The following CCDC27 variants were observed in gnomAD, a reference collection of about 807,000 sequenced individuals.
CCDC27 encodes coiled-coil domain-containing protein 27.
A neutral mutation model predicts 80.3 loss-of-function variants in CCDC27; 80 were observed. That is an observed-to-expected ratio of 1.00 (90% CI 0.83 to 1.20). CCDC27 has a LOEUF of 1.20. Among genes scored for constraint, CCDC27 ranks in the 50% most tolerant of loss-of-function variants. CCDC27 has a pLI of 0.00. For missense variants in CCDC27, 815 were observed against 809.4 expected (o/e 1.01, Z -0.08); for synonymous variants, 342 against 334.3 (o/e 1.02, Z -0.25).
chr1:3,754,657 G>C (rs756699035), intron 2 of CCDC27, among the ~76,000 whole-genome samples: 1 of 152,176 alleles, frequency 6.6e-6, no homozygotes, highest in Non-Finnish European at 1.5e-5. Context: ...TCACTGCTCT[G>C]ATGAGAACAG....
At chr1:3,765,388 GT>G (rs1206711626) in intron 8 of CCDC27, among the ~76,000 whole-genome samples, 3 of 152,160 alleles carry the variant, frequency 2.0e-5, no homozygotes, top group African/African-American at 4.8e-5. Flanking sequence ...ATGTCCTTTA[GT>G]TCTGGAATTT....
chr1:3,763,801 G>A lies in CCDC27; in HGVS notation c.1417G>A (p.Glu473Lys), dbSNP rs1643156651. 1 of 1,614,028 alleles carries A rather than the reference G, an allele frequency of 6.2e-7. No homozygotes were observed. Among genetic ancestry groups the A allele is most frequent in the African/African-American group, 1.3e-5 (1 of 75,054 alleles). ...ENETLQKELR[E>K]RRQQLQAMTD... ...TGAGACGCTGCAGAAGGAGCTCCGA[G>A]AGCGGAGGCAGCAGCTACAAGCCAT... is the stretch of plus-strand genomic sequence containing the variant. The change falls in exon 8 of 12, where the codon GAG becomes AAG. Residue 473 changes from glutamate to lysine, a missense_variant. Glu to Lys is a moderately conservative substitution (Grantham distance 56). Transcript: ENST00000294600. This position sits in a 1 kb window ranked among gnomAD's most constrained non-coding sequence, Gnocchi z 7.5.
At chr1:3,752,876 C>A in intron 1 of CCDC27, 77 bp downstream of exon 1, 1 of 1,461,122 alleles carries the variant, frequency 6.8e-7, no homozygotes, top group Non-Finnish European at 9.3e-7. Context: ...GCCCATAGAG[C>A]TGTCAGCCCA....
chr1:3,767,160 A>T, intron 9 of CCDC27, 73 bp from the exon 10 acceptor site: 2 of 1,420,936 alleles, frequency 1.4e-6, no homozygotes, highest in Non-Finnish European at 2.0e-6. Flanking sequence ...TTTAGGAAAA[A>T]GTGGATGGGT....
At chr1:3,762,745 G>C (rs1643118471) in intron 6 of CCDC27, 33 bp downstream of exon 6, 1 of 1,533,898 alleles carries the variant, frequency 6.5e-7, no homozygotes, top group Non-Finnish European at 8.8e-7. Context: ...GCACGCAGTG[G>C]GGGACCCGGG....
In CCDC27 at chr1:3,763,701, C is replaced by CT; in HGVS notation, c.1322-5_1322-4insT. On this transcript the variant is annotated splice_region_variant and splice_polypyrimidine_tract_variant and intron_variant, in intron 7 of 11. Transcript: ENST00000294600. This position sits in a 1 kb window ranked among gnomAD's most constrained non-coding sequence, Gnocchi z 7.5. ...CCTGCTCACCGCCTCTGCCTCTGTG[C>CT]CCAGGAGTGATTGCGTCTTTACAAC... 1 of 1,614,064 alleles carries CT rather than the reference C, an allele frequency of 6.2e-7. No homozygotes were observed. Among genetic ancestry groups the CT allele is most frequent in the Non-Finnish European group, 8.5e-7 (1 of 1,179,962 alleles).
At chr1:3,759,068 AT>A (rs1246790821) in intron 4 of CCDC27, among the ~76,000 whole-genome samples, 1 of 149,148 alleles carries the variant, frequency 6.7e-6, no homozygotes, top group East Asian at 1.9e-4. Flanking sequence ...AAAAAAAAAA[AT>A]AGCTGGACGT....
intron 8 of CCDC27, among the ~76,000 whole-genome samples, chr1:3,764,691 G>T (rs1427209743): frequency 1.3e-5 from 2 of 152,080 alleles, no homozygotes; most frequent in African/African-American, 4.8e-5. Context: ...TTGCTTTCTT[G>T]CCCTCTTCAC....
At chr1:3,755,761 A>G in intron 3 of CCDC27, 194 bp downstream of exon 3, 1 of 591,650 alleles carries the variant, frequency 1.7e-6, no homozygotes. Flanking sequence ...CATAGGCTGC[A>G]GTCCCCCCAG....
chr1:3,769,758 G>T lies in CCDC27; in HGVS notation c.1744-25G>T. ...GGTGCCTTCTTGGGTAAAGGCGAAT[G>T]ATAGTGTTGTCCCTTTGCTCACAGC... On this transcript the variant is annotated intron_variant, in intron 10 of 11. Transcript: ENST00000294600. The surrounding 1 kb of genome is among the most constrained non-coding windows in gnomAD (Gnocchi z 4.6). The T allele has an allele frequency of 6.4e-7, 1 of 1,570,430 alleles. No homozygotes were observed. The highest frequency in any genetic ancestry group is 1.7e-5 in the Admixed American group (1 of 59,970).
In CCDC27 at chr1:3,760,865, A is replaced by G. The variant is rs1643067707; in HGVS notation, c.712-416A>G. Among the ~76,000 whole-genome samples, 1 of 152,188 alleles carries G rather than the reference A, an allele frequency of 6.6e-6. No individual in the cohort carries two copies. The highest frequency in any genetic ancestry group is 1.5e-5 in the Non-Finnish European group (1 of 68,040). On this transcript the variant is annotated intron_variant, in intron 4 of 11. Transcript: ENST00000294600. This position sits in a 1 kb window ranked among gnomAD's most constrained non-coding sequence, Gnocchi z 4.3. Reference sequence around the variant, plus strand: ...TTGAGATTCTGAGAACAAAAGTTTGAGGAGCTCCCCGACAGGCCCCTAGGG... The same window carrying G: ...TTGAGATTCTGAGAACAAAAGTTTGGGGAGCTCCCCGACAGGCCCCTAGGG...
chr1:3,771,585 C>A lies in CCDC27; in HGVS notation c.*62C>A. 1 of 1,569,614 alleles carries A rather than the reference C, an allele frequency of 6.4e-7. No individual in the cohort carries two copies. Among genetic ancestry groups the A allele is most frequent in the Non-Finnish European group, 8.7e-7 (1 of 1,153,858 alleles). On this transcript the variant is annotated 3_prime_UTR_variant, in exon 12 of 12. Coordinates refer to ENST00000294600, the MANE Select transcript of CCDC27 (RefSeq NM_152492.3). ...AGGCCGGGGCCCAGCTCCAGAACCA[C>A]CCGCCCCCACCATGCGTCCTGCTCT...
At chr1:3,755,950 T>C in intron 3 of CCDC27, 1 of 213,652 alleles carries the variant, frequency 4.7e-6, no homozygotes, top group East Asian at 1.0e-4. Context: ...CCATGTCTCC[T>C]TTCTTGCCTT....
intron 10 of CCDC27, 129 bp downstream of exon 10, chr1:3,767,574 G>A: frequency 1.4e-6 from 1 of 718,130 alleles, no homozygotes; most frequent in South Asian, 1.9e-5. Flanking sequence ...GTTCTGCCGT[G>A]TACACCAGCA....
At chr1:3,762,258 G>GCGGCTTC (rs931617474) in intron 5 of CCDC27, among the ~76,000 whole-genome samples, 1 of 152,190 alleles carries the variant, frequency 6.6e-6, no homozygotes, top group Admixed American at 6.5e-5. Flanking sequence ...TGGCCAGCCG[G>GCGGCTTC]CGGCTTCCAC....
In CCDC27 at chr1:3,764,376, C is replaced by T. The variant is rs549397668; in HGVS notation, c.1452+540C>T. On this transcript the variant is annotated intron_variant, in intron 8 of 11. Transcript: ENST00000294600. The stretch of plus-strand genomic sequence containing the variant: ...GGCATCATTTTAAATTCTTCCAGCA[C>T]GTTCTTTATGAATCTATCTCCAAAT... Among the ~76,000 whole-genome samples the T allele has an allele frequency of 4.6e-5, 7 of 152,284 alleles. No homozygotes were observed. In the South Asian group the frequency reaches 6.2e-4, roughly 14 times the overall value.
Position 3,771,498 on chromosome 1 carries a change from A to G in CCDC27, c.1946A>G (p.Lys649Arg), listed in dbSNP as rs760204062. 76 of 1,613,792 alleles carry G rather than the reference A, an allele frequency of 4.7e-5. No individual in the cohort carries two copies. Among genetic ancestry groups the G allele is most frequent in the East Asian group, 4.2e-4 (19 of 44,902 alleles). ...CAGTCAGAGGCCTTCCTGACCAGCA[A>G]ATCCAAGAAGGGGACCTCCAAGTAG... ...LQQSEAFLTSKSKKGTSK is the reference protein window; with the variant it reads ...LQQSEAFLTSRSKKGTSK Residue 649 changes from lysine (K) to arginine (R), a missense_variant, in exon 12 of 12, where the codon AAA (lysine) becomes AGA (arginine). Coordinates refer to ENST00000294600, the MANE Select transcript of CCDC27 (RefSeq NM_152492.3).
intron 4 of CCDC27, among the ~76,000 whole-genome samples, chr1:3,758,979 G>A (rs1304548064): frequency 6.6e-6 from 1 of 152,084 alleles, no homozygotes; most frequent in Non-Finnish European, 1.5e-5. Flanking sequence ...GGGAGGCTGA[G>A]GTGGGTGGAT....
Position 3,763,704 on chromosome 1 carries a change from A to G in CCDC27, c.1322-2A>G, listed in dbSNP as rs747879993. Reference sequence around the variant, plus strand: ...GCTCACCGCCTCTGCCTCTGTGCCCAGGAGTGATTGCGTCTTTACAACAAC... The same window carrying G: ...GCTCACCGCCTCTGCCTCTGTGCCCGGGAGTGATTGCGTCTTTACAACAAC... On this transcript the variant is annotated splice_acceptor_variant, in intron 7 of 11. Transcript: ENST00000294600. LOFTEE classifies it high-confidence loss of function. This position sits in a 1 kb window ranked among gnomAD's most constrained non-coding sequence, Gnocchi z 7.5. 5.6e-6 allele frequency: 9 copies of G among 1,614,088 alleles called. No individual in the cohort carries two copies. Among genetic ancestry groups the G allele is most frequent in the Non-Finnish European group, 7.6e-6 (9 of 1,179,976 alleles).
Sources: gnomAD v4.1 joint callset for allele counts (sites outside exome capture counted in the v4.1 genomes callset) on GRCh38, gnomAD v4.1.1 for gene constraint, Gnocchi (gnomAD v3.1) non-coding constraint, MANE v1.5 for transcripts, NCBI Gene and HGNC (gene_info 2026-07-23, HGNC 2026-07-21) for gene names.